The following BTBD16 variants were observed in gnomAD, a reference collection of about 807,000 sequenced individuals.
BTBD16 encodes BTB domain containing 16, also known as BTB/POZ domain-containing protein 16.
Under a neutral mutation model 67.4 loss-of-function variants are expected in BTBD16, and 66 were observed. The ratio of observed to expected loss-of-function variants is 0.98; its 90% CI spans 0.80 to 1.20. The LOEUF (loss-of-function observed/expected upper bound fraction) is 1.20. Among genes scored for constraint, BTBD16 ranks in the 50% most tolerant of loss-of-function variants. The pLI, the probability that BTBD16 is intolerant of heterozygous loss-of-function variation, is 0.00. For missense variants in BTBD16, 634 were observed against 616.0 expected (o/e 1.03, Z -0.31); for synonymous variants, 242 against 236.4 (o/e 1.02, Z -0.22).
At position 122,276,876 on chromosome 10, in the gene BTBD16, C is replaced by T. The variant is rs772087518; in HGVS notation, c.104C>T (p.Ser35Leu). 7 of 1,614,118 alleles carry T rather than the reference C, an allele frequency of 4.3e-6. No individual in the cohort carries two copies. The highest frequency in any genetic ancestry group is 1.6e-4 in the Middle Eastern group (1 of 6,084). ...PKQPFSGDLL[S>L]LSQMCKALSI... ...CAGCCTTTCTCTGGGGACCTGCTCT[C>T]ACTTTCCCAGATGTGCAAGGCTCTG... The change falls in exon 3 of 16, where the codon TCA becomes TTA. Residue 35 changes from serine (S) to leucine (L), a missense_variant. Coordinates refer to ENST00000260723, the MANE Select transcript of BTBD16 (RefSeq NM_144587.5).
At chr10:122,308,418 G>A (rs144044285) in intron 10 of BTBD16, among the ~76,000 whole-genome samples, 264 of 152,124 alleles carry the variant, frequency 1.7e-3, no homozygotes, top group Non-Finnish European at 2.9e-3. Context: ...ACCTCACATC[G>A]CCATGCATTT....
intron 1 of BTBD16, among the ~76,000 whole-genome samples, chr10:122,274,429 G>C (rs988981297): frequency 7.9e-5 from 12 of 152,202 alleles, no homozygotes; most frequent in Non-Finnish European, 1.6e-4. Flanking sequence ...TTCCCGGAGA[G>C]TTCTCCAGTT....
At chr10:122,310,960 A>G (rs1420327994) in intron 10 of BTBD16, among the ~76,000 whole-genome samples, 4 of 152,150 alleles carry the variant, frequency 2.6e-5, no homozygotes, top group Non-Finnish European at 5.9e-5. Context: ...AACTGAGTAA[A>G]ATGAGTCAGA....
In BTBD16 at chr10:122,317,728, A is replaced by G. The variant is rs938177235; in HGVS notation, c.911+10420A>G. On this transcript the variant is annotated intron_variant, in intron 10 of 15. Coordinates refer to ENST00000260723, the MANE Select transcript of BTBD16 (RefSeq NM_144587.5). ...AACACACGTATTAGCCTAGGTCCAC[A>G]CAGGGTCAGGACCATCAATGTCACT... 5.9e-5 allele frequency among the ~76,000 whole-genome samples: 9 copies of G among 152,282 alleles called. 1 individual carries two copies. The highest frequency in any genetic ancestry group is 6.5e-5 in the Admixed American group (1 of 15,290).
chr10:122,304,088 G>A (rs191721469), intron 9 of BTBD16, among the ~76,000 whole-genome samples: 173 of 152,202 alleles, frequency 1.1e-3, no homozygotes, highest in African/African-American at 3.2e-3. Context: ...ACACCACTTC[G>A]CCAGCCCAGC....
At chr10:122,277,009 G>A (rs1311470071) in intron 3 of BTBD16, 70 bp downstream of exon 3, 18 of 1,541,890 alleles carry the variant, frequency 1.2e-5, no homozygotes, top group South Asian at 6.1e-5. Context: ...CCTGATGACC[G>A]GGCCACTCTG....
At chr10:122,322,936 A>T (rs971033027) in intron 10 of BTBD16, among the ~76,000 whole-genome samples, 13 of 152,176 alleles carry the variant, frequency 8.5e-5, no homozygotes, top group Non-Finnish European at 1.6e-4. Context: ...TATTGGGATT[A>T]TCTGTTCCTA....
chr10:122,273,613 T>C (rs1208706551), intron 1 of BTBD16, among the ~76,000 whole-genome samples: 1 of 152,006 alleles, frequency 6.6e-6, no homozygotes, highest in Non-Finnish European at 1.5e-5. Context: ...CCAGGTGTGG[T>C]AGCGGACACC....
rs117287802 is a variant in BTBD16 at position 122,301,915 on chromosome 10, G to A, written c.791+2781G>A. Among the ~76,000 whole-genome samples, 41 of 152,308 alleles carry A rather than the reference G, an allele frequency of 2.7e-4. No homozygotes were observed. The East Asian group carries it at 7.1e-3, about 27-fold the overall frequency. On this transcript the variant is annotated intron_variant, in intron 9 of 15. Coordinates refer to ENST00000260723, the MANE Select transcript of BTBD16 (RefSeq NM_144587.5). ...TGCCCTGTGTGCTGCACCCCTCGTC[G>A]TTGGTCATGGAGGCCAAGGCTACCA...
At chr10:122,303,942 A>C (rs1199653595) in intron 9 of BTBD16, among the ~76,000 whole-genome samples, 1 of 152,240 alleles carries the variant, frequency 6.6e-6, no homozygotes, top group African/African-American at 2.4e-5. Context: ...ATTATGCTTC[A>C]TAAATAATAG....
intron 3 of BTBD16, among the ~76,000 whole-genome samples, chr10:122,282,802 G>T (rs1457089458): frequency 1.3e-5 from 2 of 152,242 alleles, no homozygotes; most frequent in Non-Finnish European, 2.9e-5. Flanking sequence ...CACTCCAGAA[G>T]GAGTTTTAAG....
chr10:122,311,281 A>C (rs189580081), intron 10 of BTBD16, among the ~76,000 whole-genome samples: 1 of 152,348 alleles, frequency 6.6e-6, no homozygotes, highest in African/African-American at 2.4e-5. Flanking sequence ...CAATGTAAGA[A>C]GGAAACAAAC....
At chr10:122,286,826 C>T (rs1328465637) in intron 5 of BTBD16, among the ~76,000 whole-genome samples, 1 of 152,156 alleles carries the variant, frequency 6.6e-6, no homozygotes, top group African/African-American at 2.4e-5. Flanking sequence ...GTCCTGACCA[C>T]CCCAGCCTCC....
rs919271062 is a variant in BTBD16 at position 122,331,428 on chromosome 10, G to A, written c.1086+170G>A. ...AGAGCAGTGCCTGGGAAGGAGAGAA[G>A]GGAGGAGACCCAGCCTTGGAATCCG... On this transcript the variant is annotated intron_variant, in intron 12 of 15. Transcript: ENST00000260723. 7 of 669,272 alleles carry A rather than the reference G, an allele frequency of 1.0e-5. No homozygotes were observed. The African/African-American group carries it at 1.2e-4, about 11-fold the overall frequency. The allele number at this position is 669,272 out of a possible 1,614,324, so 41.5% of individuals were successfully genotyped here.
chr10:122,332,610 TAGGAAGGTC>T (rs1184682638), intron 13 of BTBD16, 97 bp downstream of exon 13: 8 of 1,311,756 alleles, frequency 6.1e-6, no homozygotes, highest in Non-Finnish European at 8.5e-6. Flanking sequence ...TGGCTCCTGG[TAGGAAGGTC>T]AGGGGTCCAG....
At chr10:122,326,873 CACAA>C (rs1488111545) in intron 10 of BTBD16, among the ~76,000 whole-genome samples, 1 of 152,212 alleles carries the variant, frequency 6.6e-6, no homozygotes, top group Non-Finnish European at 1.5e-5. Context: ...GAGGTCTTTG[CACAA>C]ACAGAGCGCA....
intron 10 of BTBD16, among the ~76,000 whole-genome samples, chr10:122,309,320 T>TTTTGTTTG (rs933455120): frequency 6.6e-6 from 1 of 151,524 alleles, no homozygotes; most frequent in African/African-American, 2.4e-5. Context: ...TATTATTATT[T>TTTTGTTTG]TTTGTTTGTT....
At chr10:122,312,759 C>T (rs1340538838) in intron 10 of BTBD16, among the ~76,000 whole-genome samples, 2 of 152,130 alleles carry the variant, frequency 1.3e-5, no homozygotes, top group African/African-American at 4.8e-5. Context: ...TGCACAAGTC[C>T]TTTCCCCATC....
At chr10:122,311,747 G>T (rs760659317) in intron 10 of BTBD16, among the ~76,000 whole-genome samples, 21 of 152,202 alleles carry the variant, frequency 1.4e-4, no homozygotes, top group Non-Finnish European at 2.6e-4. Flanking sequence ...CCAGCACCCA[G>T]ACCAGAACAG....
Sources: gnomAD v4.1 joint callset for allele counts (sites outside exome capture counted in the v4.1 genomes callset) on GRCh38, gnomAD v4.1.1 for gene constraint, MANE v1.5 for transcripts, NCBI Gene and HGNC (gene_info 2026-07-23, HGNC 2026-07-21) for gene names.